The following CNTNAP2 variants were observed in gnomAD, a reference collection of about 807,000 sequenced individuals.
CNTNAP2 encodes the protein contactin-associated protein-like 2.
CNTNAP2 carries 98 observed loss-of-function variants against 155.2 expected under a neutral mutation model. The ratio of observed to expected loss-of-function variants is 0.63; its 90% confidence interval spans 0.54 to 0.75. The LOEUF is 0.75. CNTNAP2 is among the 30% of genes least tolerant of loss of function. CNTNAP2 has a pLI of 0.00. For missense variants in CNTNAP2, 1,727 were observed against 1,688.1 expected (o/e 1.02, Z -0.40); for synonymous variants, 651 against 631.2 (o/e 1.03, Z -0.47).
intron 8 of CNTNAP2, among the ~76,000 whole-genome samples, chr7:147,185,605 G>A (rs1197971118): frequency 2.0e-5 from 3 of 152,140 alleles, no homozygotes; most frequent in African/African-American, 7.2e-5. Context: ...ATGAATCTTA[G>A]AAATCTAATG....
At chr7:146,419,175 C>T (rs960838827) in intron 1 of CNTNAP2, among the ~76,000 whole-genome samples, 1 of 152,070 alleles carries the variant, frequency 6.6e-6, no homozygotes, top group Non-Finnish European at 1.5e-5. Flanking sequence ...AAAGTCACAT[C>T]TTACATGCCA....
At chr7:148,192,583 G>C (rs775349870) in intron 18 of CNTNAP2, among the ~76,000 whole-genome samples, 1 of 149,538 alleles carries the variant, frequency 6.7e-6, no homozygotes, top group East Asian at 1.9e-4. Context: ...CCGAGATCAC[G>C]CCATTGCACT....
chr7:147,929,997 G>A (rs1800467933), intron 14 of CNTNAP2, among the ~76,000 whole-genome samples: 1 of 152,138 alleles, frequency 6.6e-6, no homozygotes, highest in African/African-American at 2.4e-5. Context: ...AAGAGGCGGA[G>A]CTCAGGCGGG....
chr7:146,654,164 C>T (rs188290534), intron 1 of CNTNAP2, among the ~76,000 whole-genome samples: 17 of 152,022 alleles, frequency 1.1e-4, no homozygotes, highest in African/African-American at 3.6e-4. Context: ...ATGATGGACA[C>T]GATGTCCTTG....
chr7:147,855,253 C>T (rs1799016966), intron 13 of CNTNAP2, among the ~76,000 whole-genome samples: 1 of 151,936 alleles, frequency 6.6e-6, no homozygotes, highest in South Asian at 2.1e-4. Flanking sequence ...AGGAGAAAAC[C>T]TTCTGACTCC....
intron 3 of CNTNAP2, among the ~76,000 whole-genome samples, chr7:146,976,568 A>T (rs113867258): frequency 0.039 from 5,969 of 152,248 alleles, 137 homozygotes; most frequent in South Asian, 0.076. Flanking sequence ...AAGGATACAG[A>T]TGAAGAGATG....
intron 21 of CNTNAP2, among the ~76,000 whole-genome samples, chr7:148,349,055 A>G (rs1328208908): frequency 6.6e-6 from 1 of 152,194 alleles, no homozygotes; most frequent in Non-Finnish European, 1.5e-5. Context: ...GCCAGGGAAG[A>G]AAGATTCGAA....
rs142043719 is a variant in CNTNAP2 at position 147,642,049 on chromosome 7, T to G, written c.2098+2743T>G. On this transcript the variant is annotated intron_variant, in intron 13 of 23. Transcript: ENST00000361727. ...GTGTGTGTTTTAACTGGATTCTGTT[T>G]CCAGTGCCAGGAAAAGTCAAAGACT... Among the ~76,000 whole-genome samples the G allele has an allele frequency of 1.5e-4, 22 of 151,684 alleles. No individual in the cohort carries two copies. In the East Asian group the frequency reaches 4.1e-3, roughly 28 times the overall value.
chr7:146,834,003 G>A (rs1479758216), intron 2 of CNTNAP2, among the ~76,000 whole-genome samples: 2 of 152,048 alleles, frequency 1.3e-5, no homozygotes, highest in Non-Finnish European at 2.9e-5. Flanking sequence ...TTTGCCTGGA[G>A]TCTCCTTTTC....
chr7:147,633,291 C>A (rs960394707), intron 12 of CNTNAP2, among the ~76,000 whole-genome samples: 8 of 152,160 alleles, frequency 5.3e-5, no homozygotes, highest in Non-Finnish European at 1.2e-4. Context: ...GGTTGGAGAA[C>A]CTCCACCTAG....
chr7:147,854,004 A>C (rs1264312449), intron 13 of CNTNAP2, among the ~76,000 whole-genome samples: 1 of 152,214 alleles, frequency 6.6e-6, no homozygotes, highest in Non-Finnish European at 1.5e-5. Context: ...ATTCAGAGAG[A>C]ACAATTCAAG....
chr7:148,170,563 T>C (rs1453998144), intron 17 of CNTNAP2, among the ~76,000 whole-genome samples: 1 of 152,156 alleles, frequency 6.6e-6, no homozygotes, highest in Non-Finnish European at 1.5e-5. Context: ...ATAGCTTTGA[T>C]CAAAAAAGGC....
At chr7:147,700,599 A>T (rs866908024) in intron 13 of CNTNAP2, among the ~76,000 whole-genome samples, 1 of 152,202 alleles carries the variant, frequency 6.6e-6, no homozygotes, top group African/African-American at 2.4e-5. Context: ...TGCTAAATTG[A>T]AGAAATATCA....
intron 1 of CNTNAP2, among the ~76,000 whole-genome samples, chr7:146,461,644 T>C (rs1325010880): frequency 6.6e-6 from 1 of 152,178 alleles, no homozygotes; most frequent in Non-Finnish European, 1.5e-5. Flanking sequence ...TCAAATCTAG[T>C]GAGGAGTAGA....
At chr7:146,439,934 G>A (rs1478911611) in intron 1 of CNTNAP2, among the ~76,000 whole-genome samples, 1 of 151,512 alleles carries the variant, frequency 6.6e-6, no homozygotes, top group Non-Finnish European at 1.5e-5. Context: ...GACCAGCCTG[G>A]CCAACATTGT....
At chr7:146,458,590 A>T (rs1266365720) in intron 1 of CNTNAP2, among the ~76,000 whole-genome samples, 1 of 152,154 alleles carries the variant, frequency 6.6e-6, no homozygotes, top group African/African-American at 2.4e-5. Flanking sequence ...ATACATACAT[A>T]CAAATATCTA....
intron 13 of CNTNAP2, among the ~76,000 whole-genome samples, chr7:147,869,383 A>G (rs1199163637): frequency 3.3e-5 from 5 of 152,218 alleles, no homozygotes; most frequent in Non-Finnish European, 7.3e-5. Context: ...TAGAAGAAAA[A>G]TGGTTTGAGA....
chr7:147,862,447 A>G (rs1211861237), intron 13 of CNTNAP2, among the ~76,000 whole-genome samples: 1 of 152,122 alleles, frequency 6.6e-6, no homozygotes, highest in Non-Finnish European at 1.5e-5. Flanking sequence ...AACAATTTAC[A>G]ATTTGTTATA....
chr7:146,861,467 A>G (rs963565214), intron 3 of CNTNAP2, among the ~76,000 whole-genome samples: 2 of 152,122 alleles, frequency 1.3e-5, no homozygotes, highest in Non-Finnish European at 2.9e-5. Flanking sequence ...TCGATAGAAA[A>G]CTTTTAGTGA....
Sources: gnomAD v4.1 joint callset for allele counts (sites outside exome capture counted in the v4.1 genomes callset) on GRCh38, gnomAD v4.1.1 for gene constraint, MANE v1.5 for transcripts, NCBI Gene and HGNC (gene_info 2026-07-23, HGNC 2026-07-21) for gene names.